The following NME9 variants were observed in gnomAD, a reference collection of about 807,000 sequenced individuals.
NME9 encodes thioredoxin domain-containing protein 6.
NME9 carries 48 observed loss-of-function variants against 44.4 expected under a neutral mutation model. The observed-to-expected ratio is 1.08, with a 90% CI of 0.86 to 1.37. The LOEUF is 1.37. NME9 is among the 40% of genes most tolerant of loss of function. NME9 has a pLI of 0.00. For synonymous variants in NME9, 139 were observed against 147.1 expected, an observed-to-expected ratio of 0.94 and a Z score of 0.40; for missense variants, 325 against 405.2, an observed-to-expected ratio of 0.80 and a Z score of 1.70.
chr3:138,265,471 C>T (rs1342173788), intron 8 of NME9, among the ~76,000 whole-genome samples: 1 of 152,120 alleles, frequency 6.6e-6, no homozygotes, highest in African/African-American at 2.4e-5. Context: ...CTAAGCAAAG[C>T]CTTCAAGTAC....
At position 138,315,474 on chromosome 3, in the gene NME9, G is replaced by A. The variant is rs1442489487; in HGVS notation, c.384+53C>T. 54 of 1,219,350 alleles carry A rather than the reference G, an allele frequency of 4.4e-5. 1 individual carries two copies. The highest frequency in any genetic ancestry group is 7.8e-5 in the South Asian group (6 of 76,724). The allele number at this position is 1,219,350 out of a possible 1,614,324, so 75.5% of individuals were successfully genotyped here. A position where few individuals can be genotyped will look rare whatever the true frequency, so the allele number is the denominator to read the frequency against. Reference sequence around the variant, plus strand: ...GAAGGAGATGGGGACTGCTGATCTCGCCCTACTAGCGCACTTGTGAGTTAG... The same window carrying A: ...GAAGGAGATGGGGACTGCTGATCTCACCCTACTAGCGCACTTGTGAGTTAG... On this transcript the variant is annotated intron_variant, in intron 5 of 10. Transcript: ENST00000333911.
At chr3:138,286,191 T>C (rs113357481) in intron 8 of NME9, among the ~76,000 whole-genome samples, 9,005 of 152,190 alleles carry the variant, frequency 0.059, 894 homozygotes, top group African/African-American at 0.2. Context: ...GATCCACCTG[T>C]CTCGGCCTCC....
rs1380505028 is a variant in NME9 at position 138,301,721 on chromosome 3, G to A, written c.929-17C>T. On this transcript the variant is annotated splice_polypyrimidine_tract_variant and intron_variant, in intron 10 of 10. Transcript: ENST00000333911. ...CCTCACCGCCTGTGGGATGACAGAT[G>A]TTTGGTAGGACTCCTGAAACAGCCC... is the stretch of plus-strand genomic sequence containing the variant. The A allele has an allele frequency of 2.0e-6, 3 of 1,532,340 alleles. No homozygotes were observed. The highest frequency in any genetic ancestry group is 4.9e-5 in the East Asian group (2 of 40,886). The allele number at this position is 1,532,340 out of a possible 1,614,324, so 94.9% of individuals were successfully genotyped here.
Position 138,305,037 on chromosome 3 carries a change from G to C in NME9, c.637-10C>G. 6.2e-7 allele frequency: 1 copy of C among 1,613,008 alleles called. No individual in the cohort carries two copies. Among genetic ancestry groups the C allele is most frequent in the Non-Finnish European group, 8.5e-7 (1 of 1,179,344 alleles). On this transcript the variant is annotated splice_polypyrimidine_tract_variant and intron_variant, in intron 8 of 10. Transcript: ENST00000333911. ...GCTTCTCAAATGCCTCCTAGGCACA[G>C]GGAGGGAAAACAGTGACCAGGGCAG...
At chr3:138,263,640 C>G in intron 8 of NME9, 1 of 1,095,416 alleles carries the variant, frequency 9.1e-7, no homozygotes, top group East Asian at 2.4e-5. Flanking sequence ...CCAAAAACAA[C>G]GTTAAACTTT....
chr3:138,287,031 C>T (rs536905741), intron 8 of NME9, among the ~76,000 whole-genome samples: 1 of 152,338 alleles, frequency 6.6e-6, no homozygotes, highest in African/African-American at 2.4e-5. Flanking sequence ...CCACTGCCCC[C>T]ACCCTAGTCA....
intron 2 of NME9, among the ~76,000 whole-genome samples, chr3:138,322,424 C>A (rs146343739): frequency 6.6e-6 from 1 of 151,010 alleles, no homozygotes; most frequent in Non-Finnish European, 1.5e-5. Context: ...GATTTGACTC[C>A]GAGTGAGAGG....
intron 3 of NME9, 138 bp from the exon 4 acceptor site, chr3:138,318,357 T>C (rs959129510): frequency 7.4e-6 from 5 of 676,246 alleles, no homozygotes; most frequent in Non-Finnish European, 1.1e-5. Flanking sequence ...TCTCATGCTG[T>C]TCCTGCTAAT....
rs1018824241 is a variant in NME9 at position 138,271,798 on chromosome 3, C to CTTTCTTTTT, written c.746-9213_746-9212insAAAAAGAAA. On this transcript the variant is annotated intron_variant, in intron 8 of 8. Transcript: ENST00000317876. ...AGTTCACAAGATTTTTTTTTTCTTT[C>CTTTCTTTTT]TTTTTTTTTTTTTTTGATACAGAGT... Among the ~76,000 whole-genome samples the CTTTCTTTTT allele has an allele frequency of 1.7e-3, 233 of 136,130 alleles. 3 individuals are homozygous for CTTTCTTTTT. Among genetic ancestry groups the CTTTCTTTTT allele is most frequent in the African/African-American group, 6.4e-3 (225 of 35,286 alleles). The allele number at this position is 136,130 out of a possible 152,430, so 89.3% of individuals were successfully genotyped here.
At chr3:138,309,866 A>C (rs1008239536) in intron 6 of NME9, among the ~76,000 whole-genome samples, 1 of 152,070 alleles carries the variant, frequency 6.6e-6, no homozygotes, top group African/African-American at 2.4e-5. Context: ...CATCTCTACT[A>C]AAAATACAAA....
In NME9 at chr3:138,301,651, C is replaced by G; in HGVS notation, c.982G>C (p.Asp328His). The G allele has an allele frequency of 6.5e-7, 1 of 1,536,142 alleles. No homozygotes were observed. Among genetic ancestry groups the G allele is most frequent in the Non-Finnish European group, 8.7e-7 (1 of 1,146,908 alleles). Residue 328 changes from aspartate (D) to histidine (H), a missense_variant, in exon 11 of 11, where the codon GAT (aspartate) becomes CAT (histidine). Asp to His is a moderately conservative substitution (Grantham distance 81). Transcript: ENST00000333911. ...GPTEALCFPE[D>H]VD ...GCAGCACAGCCATCTCAATCCACATCCTCAGGAAAGCAAAGCGCCTCAGTG... is the reference window on the plus strand; with the variant it reads ...GCAGCACAGCCATCTCAATCCACATGCTCAGGAAAGCAAAGCGCCTCAGTG...
chr3:138,268,088 C>A (rs1407730134), intron 8 of NME9, among the ~76,000 whole-genome samples: 15 of 152,000 alleles, frequency 9.9e-5, no homozygotes, highest in Non-Finnish European at 2.2e-4. Context: ...GCTAAAAGTA[C>A]AAAAATTAGC....
intron 8 of NME9, chr3:138,274,570 A>G (rs1297389279): frequency 8.5e-6 from 13 of 1,536,566 alleles, no homozygotes; most frequent in Non-Finnish European, 9.9e-6. Flanking sequence ...CTCTTGGGGA[A>G]TATTTTCTGA....
At chr3:138,275,948 A>G (rs1403139700) in intron 8 of NME9, among the ~76,000 whole-genome samples, 2 of 152,234 alleles carry the variant, frequency 1.3e-5, no homozygotes, top group African/African-American at 2.4e-5. Context: ...CTGAAACACA[A>G]CAATGAAGAA....
chr3:138,303,614 G>A lies in NME9; in HGVS notation c.821C>T (p.Pro274Leu). The A allele has an allele frequency of 6.2e-7, 1 of 1,613,564 alleles. No homozygotes were observed. Among genetic ancestry groups the A allele is most frequent in the Non-Finnish European group, 8.5e-7 (1 of 1,179,448 alleles). Residue 274 changes from proline to leucine, a missense_variant, in exon 10 of 11, where the codon CCC becomes CTC. By Grantham distance (98) the Pro-to-Leu change is moderately conservative. Transcript: ENST00000333911. The part of the protein sequence containing the change: ...SLRAQYGTEM[P>L]FNAVHGSRDR... ...CCGGCTTCCATGGACGGCATTGAAG[G>A]GCATTTCTGTGCCGTACTGAGCTCG...
downstream of NME9, chr3:138,297,471 G>A (rs1231329269): frequency 6.6e-6 from 1 of 152,222 alleles, no homozygotes; most frequent in Non-Finnish European, 1.5e-5. Context: ...GGAGCTCCAA[G>A]CCCACCCACC....
At chr3:138,286,508 C>T (rs2050430187) in intron 8 of NME9, among the ~76,000 whole-genome samples, 1 of 152,204 alleles carries the variant, frequency 6.6e-6, no homozygotes, top group African/African-American at 2.4e-5. Flanking sequence ...ACCATACCTC[C>T]CTACCTATCT....
At chr3:138,287,635 G>C (rs2050558278) in intron 8 of NME9, 2 of 456,530 alleles carry the variant, frequency 4.4e-6, no homozygotes, top group South Asian at 3.1e-5. Context: ...TCTTAAGGGA[G>C]CCCAAACTGG....
rs968206242 is a variant in NME9, at chr3:138,316,083, C to T, written c.268-440G>A. Among the ~76,000 whole-genome samples, 6 of 152,244 alleles carry T rather than the reference C, an allele frequency of 3.9e-5. No homozygotes were observed. In the South Asian group the frequency reaches 1.0e-3, roughly 26 times the overall value. On this transcript the variant is annotated intron_variant, in intron 4 of 10. Transcript: ENST00000333911. ...TCCTGACCTCGTGATCTGCCTGTCT[C>T]GGCCTCCCAAAGCGTTGGGATTACA...
Sources: allele counts gnomAD v4.1 joint callset (sites outside exome capture counted in the v4.1 genomes callset), GRCh38; gene constraint gnomAD v4.1.1; transcripts MANE v1.5; gene names NCBI Gene and HGNC (gene_info 2026-07-23, HGNC 2026-07-21).